HSPD1: variants seen among roughly 807,000 people sequenced by gnomAD.
The protein encoded by HSPD1 is heat shock protein family D (Hsp60) member 1.
Under a neutral mutation model 53.0 loss-of-function variants are expected in HSPD1, and 3 were observed. The ratio of observed to expected loss-of-function variants is 0.06; its 90% confidence interval spans 0.03 to 0.15. The LOEUF (loss-of-function observed/expected upper bound fraction) is 0.15, where lower values mean the gene tolerates loss of function less well. HSPD1 is among the 10% of genes least tolerant of loss of function. HSPD1 has a pLI of 1.00. For missense variants in HSPD1, 431 were observed against 694.1 expected (o/e 0.62, Z 4.26); for synonymous variants, 200 against 228.0 (o/e 0.88, Z 1.10).
intron 1 of HSPD1, among the ~76,000 whole-genome samples, 162 bp downstream of exon 1, chr2:197,499,620 A>ATGGACCCGCGAGGCC (rs1402777200): frequency 1.1e-4 from 16 of 152,114 alleles, no homozygotes; most frequent in Non-Finnish European, 1.9e-4. Flanking sequence ...TGGAACCCGC[A>ATGGACCCGCGAGGCC]TGGACCCGCG....
intron 3 of HSPD1, among the ~76,000 whole-genome samples, chr2:197,495,932 A>T (rs2086152220): frequency 6.6e-6 from 1 of 152,214 alleles, no homozygotes; most frequent in Admixed American, 6.5e-5. Flanking sequence ...TAGTTTCAAA[A>T]GTCTCACCAC....
At chr2:197,494,275 A>G in intron 5 of HSPD1, 25 bp from the exon 6 acceptor site, 1 of 1,122,388 alleles carries the variant, frequency 8.9e-7, no homozygotes. Context: ...AGAATTAGGT[A>G]TATGGATTTC....
chr2:197,490,426 T>TC, intron 7 of HSPD1, 130 bp from the exon 8 acceptor site: 2 of 694,468 alleles, frequency 2.9e-6, no homozygotes, highest in East Asian at 5.4e-5. Context: ...TTTTTTTGTT[T>TC]TTTTTTTGCT....
Position 197,497,361 on chromosome 2 carries a change from C to G in HSPD1, c.206G>C (p.Gly69Ala). Residue 69 changes from glycine to alanine, a missense_variant, in exon 3 of 12, where the codon GGA (glycine) becomes GCA (alanine). By Grantham distance (60) the Gly-to-Ala change is moderately conservative. This residue lies in a region of HSPD1 where 386 missense variants were observed against 657.6 expected (regional missense o/e 0.59). Transcript: ENST00000388968. Reference sequence around the variant, plus strand: ...ACCATCTTTTGTTACTTTGGGACTTCCCCAACTCTGCTCAATAATCACTGT... The same window carrying G: ...ACCATCTTTTGTTACTTTGGGACTTGCCCAACTCTGCTCAATAATCACTGT... ...GRTVIIEQSW[G>A]SPKVTKDGVT... is the part of the protein sequence containing the mutation. 1 of 1,613,574 alleles carries G rather than the reference C, an allele frequency of 6.2e-7. No homozygotes were observed. Among genetic ancestry groups the G allele is most frequent in the Non-Finnish European group, 8.5e-7 (1 of 1,179,564 alleles).
rs2086077484 is a variant in HSPD1 at position 197,490,465 on chromosome 2, AG to A, written c.870-170del. 9 of 625,696 alleles carry A rather than the reference AG, an allele frequency of 1.4e-5. No individual in the cohort carries two copies. The South Asian group carries it at 1.5e-4, about 11-fold the overall frequency. The allele number at this position is 625,696 out of a possible 1,614,324, so 38.8% of individuals were successfully genotyped here. Reference sequence around the variant, plus strand: ...TAGCAATTTTTGATCAAATTAAGACAGGAAGTATCTGAGACAGTTTAGGCTA... The same window carrying A: ...TAGCAATTTTTGATCAAATTAAGACAGAAGTATCTGAGACAGTTTAGGCTA... On this transcript the variant is annotated intron_variant, in intron 7 of 11. Transcript: ENST00000388968.
At chr2:197,488,277 A>G (rs2086050798) in intron 10 of HSPD1, 40 bp downstream of exon 10, 3 of 1,585,958 alleles carry the variant, frequency 1.9e-6, no homozygotes, top group Admixed American at 1.7e-5. Flanking sequence ...AAGAAAAACT[A>G]AAATCAGGCC....
At position 197,497,218 on chromosome 2, in the gene HSPD1, T is replaced by C; in HGVS notation, c.349A>G (p.Thr117Ala). 1 of 1,613,724 alleles carries C rather than the reference T, an allele frequency of 6.2e-7. No individual in the cohort carries two copies. Among genetic ancestry groups the C allele is most frequent in the Non-Finnish European group, 8.5e-7 (1 of 1,179,574 alleles). The part of the protein sequence containing the change: ...EEAGDGTTTA[T>A]VLARSIAKEG... ...TTGGCTATAGAGCGTGCCAGTACAG[T>C]AGCAGTGGTAGTGCCATCCCCAGCT... Residue 117 changes from threonine (T) to alanine (A), a missense_variant, in exon 3 of 12, where the codon ACT (threonine) becomes GCT (alanine). Thr to Ala is a moderately conservative substitution (Grantham distance 58). Transcript: ENST00000388968.
At chr2:197,494,122 A>T (rs753246053) in intron 6 of HSPD1, 35 bp downstream of exon 6, 1 of 983,962 alleles carries the variant, frequency 1.0e-6, no homozygotes, top group South Asian at 1.3e-5. Context: ...AAAATAATAA[A>T]AATAATAATA....
chr2:197,497,385 G>C lies in HSPD1; in HGVS notation c.182C>G (p.Thr61Arg), dbSNP rs1259431378. 6.2e-7 allele frequency: 1 copy of C among 1,613,502 alleles called. No individual in the cohort carries two copies. Among genetic ancestry groups the C allele is most frequent in the Non-Finnish European group, 8.5e-7 (1 of 1,179,612 alleles). The change falls in exon 3 of 12, where the codon ACA (threonine) becomes AGA (arginine). Residue 61 changes from threonine (T) to arginine (R), a missense_variant. Coordinates refer to ENST00000388968, the MANE Select transcript of HSPD1 (RefSeq NM_002156.5). ...VAVTMGPKGRTVIIEQSWGSP... is the reference protein window; with the variant it reads ...VAVTMGPKGRRVIIEQSWGSP... The stretch of plus-strand genomic sequence containing the variant: ...TCCCCAACTCTGCTCAATAATCACT[G>C]TTCTTCCCTAGAAGAAAAAAATGTA...
chr2:197,489,123 G>T lies in HSPD1; in HGVS notation c.1094C>A (p.Ala365Asp), dbSNP rs1276806626. 1.1e-5 allele frequency: 17 copies of T among 1,613,850 alleles called. No homozygotes were observed. Among genetic ancestry groups the T allele is most frequent in the Non-Finnish European group, 1.4e-5 (17 of 1,179,958 alleles). ...TTCTTGAATACGTTTTTCAATTTGA[G>T]CCTTGTCACCTTTTCCTTTTAAGAG... ...AMLLKGKGDK[A>D]QIEKRIQEII... The change falls in exon 9 of 12, where the codon GCT (alanine) becomes GAT (aspartate). Residue 365 changes from alanine to aspartate, a missense_variant. Physicochemically the swap from Ala to Asp is moderately radical, Grantham distance 126 (BLOSUM62 -2). Around this residue, in one of 2 missense-constraint regions of HSPD1, gnomAD observed 386 missense variants for 657.6 expected, o/e 0.59. Coordinates refer to ENST00000388968, the MANE Select transcript of HSPD1 (RefSeq NM_002156.5).
At chr2:197,500,157 CA>C (rs1234084304), upstream of HSPD1, 2 of 545,122 alleles carry the variant, frequency 3.7e-6, no homozygotes, top group Non-Finnish European at 6.6e-6. Flanking sequence ...GTAGTTCTTT[CA>C]CCTCGGCTGG....
upstream of HSPD1, chr2:197,500,202 TC>T: frequency 1.7e-6 from 1 of 599,164 alleles, no homozygotes; most frequent in Non-Finnish European, 3.0e-6. Flanking sequence ...GCTCCTTTTT[TC>T]TTCCGCCTCC....
Position 197,498,728 on chromosome 2 carries a change from G to C in HSPD1, c.121C>G (p.Leu41Val). 2 of 1,614,182 alleles carry C rather than the reference G, an allele frequency of 1.2e-6. No homozygotes were observed. Among genetic ancestry groups the C allele is most frequent in the South Asian group, 2.2e-5 (2 of 91,084 alleles). The change falls in exon 2 of 12, where the codon CTT (leucine) becomes GTT (valine). Residue 41 changes from leucine (L) to valine (V), a missense_variant. Physicochemically the swap from Leu to Val is conservative, Grantham distance 32 (BLOSUM62 1). Coordinates refer to ENST00000388968, the MANE Select transcript of HSPD1 (RefSeq NM_002156.5). The part of the protein sequence containing the change: ...KFGADARALM[L>V]QGVDLLADAV... ...TCGGCTAAAAGGTCTACACCTTGAA[G>C]CATTAAGGCTCGGGCATCTGCACCA...
In HSPD1 at chr2:197,490,206, A is replaced by T; in HGVS notation, c.960T>A (p.Thr320=). Reference sequence around the variant, plus strand: ...CATTTATTTTACTTACTGCACCACCAGTAGCAATAGCCATATCTTTAAGCT... The same window carrying T: ...CATTTATTTTACTTACTGCACCACCTGTAGCAATAGCCATATCTTTAAGCT... The part of the protein sequence containing the change: ...KNQLKDMAIA[T]GGAVFGEEGL... The change falls in exon 8 of 12, where the codon ACT becomes ACA. Residue 320 remains threonine (T), a synonymous_variant. Transcript: ENST00000388968. 4.4e-6 allele frequency: 7 copies of T among 1,605,696 alleles called. No homozygotes were observed. The highest frequency in any genetic ancestry group is 6.0e-6 in the Non-Finnish European group (7 of 1,172,534).
chr2:197,488,963 T>G, intron 9 of HSPD1, 39 bp downstream of exon 9: 1 of 1,611,680 alleles, frequency 6.2e-7, no homozygotes, highest in Non-Finnish European at 8.5e-7. Flanking sequence ...ATTCTTGGAC[T>G]CAGAACCCAA....
intron 11 of HSPD1, 117 bp downstream of exon 11, chr2:197,487,741 G>T: frequency 1.3e-6 from 1 of 782,158 alleles, no homozygotes; most frequent in East Asian, 2.6e-5. Flanking sequence ...AAGAGCTATT[G>T]CTGTTGCTAC....
intron 7 of HSPD1, 127 bp from the exon 8 acceptor site, chr2:197,490,423 G>GTTT (rs376444325): frequency 1.6e-5 from 9 of 579,096 alleles, no homozygotes; most frequent in African/African-American, 1.4e-4. Flanking sequence ...GTGTTTTTTT[G>GTTT]TTTTTTTTTT....
intron 7 of HSPD1, 63 bp downstream of exon 7, chr2:197,493,261 G>T: frequency 7.2e-7 from 1 of 1,383,520 alleles, no homozygotes; most frequent in Non-Finnish European, 1.0e-6. Context: ...ACTGCAAACA[G>T]CAATACAAAT....
chr2:197,493,474 T>C lies in HSPD1; in HGVS notation c.719A>G (p.Gln240Arg). Residue 240 changes from glutamine (Q) to arginine (R), a missense_variant, in exon 7 of 12, where the codon CAG (glutamine) becomes CGG (arginine). Coordinates refer to ENST00000388968, the MANE Select transcript of HSPD1 (RefSeq NM_002156.5). The part of the protein sequence containing the change: ...NTSKGQKCEF[Q>R]DAYVLLSEKK... Reference sequence around the variant, plus strand: ...TTCACTCAACAGAACATAGGCATCCTGGAATTCACATTTCTGACCTGTAAA... The same window carrying C: ...TTCACTCAACAGAACATAGGCATCCCGGAATTCACATTTCTGACCTGTAAA... 6.2e-7 allele frequency: 1 copy of C among 1,610,980 alleles called. No homozygotes were observed. The highest frequency in any genetic ancestry group is 8.5e-7 in the Non-Finnish European group (1 of 1,177,116).
Sources: allele counts gnomAD v4.1 joint callset (sites outside exome capture counted in the v4.1 genomes callset), GRCh38; gene constraint gnomAD v4.1.1; regional missense constraint gnomAD v4.1.1; transcripts MANE v1.5; gene names NCBI Gene and HGNC (gene_info 2026-07-23, HGNC 2026-07-21).